Variants in CACNB2 observed in about 807,000 individuals in gnomAD.
CACNB2 encodes calcium voltage-gated channel auxiliary subunit beta 2, also known as voltage-dependent L-type calcium channel subunit beta-2.
Under a neutral mutation model 73.3 loss-of-function variants are expected in CACNB2, and 42 were observed. The observed-to-expected ratio is 0.57, with a 90% CI of 0.45 to 0.74. CACNB2 has a LOEUF of 0.74. CACNB2 is among the 30% of genes least tolerant of loss of function. The pLI, the probability that CACNB2 is intolerant of heterozygous loss-of-function variation, is 0.00. For missense variants in CACNB2, 940 were observed against 853.0 expected (o/e 1.10, Z -1.27); for synonymous variants, 348 against 310.3 (o/e 1.12, Z -1.28).
intron 2 of CACNB2, among the ~76,000 whole-genome samples, chr10:18,168,223 C>T (rs1437576876): frequency 6.6e-6 from 1 of 152,078 alleles, no homozygotes; most frequent in African/African-American, 2.4e-5. Context: ...GAGTTCAAGG[C>T]TGCAGTGAGC....
In CACNB2 at chr10:18,539,518, G is replaced by A. The variant is rs903062527; in HGVS notation, c.1777G>A (p.Glu593Lys). ...ASHRDHNHRD[E>K]THGSSDHRHR... Reference sequence around the variant, plus strand: ...ACACCGTGACCACAACCACAGAGACGAGACCCACGGGAGCAGTGACCACAG... The same window carrying A: ...ACACCGTGACCACAACCACAGAGACAAGACCCACGGGAGCAGTGACCACAG... Residue 593 changes from glutamate to lysine, a missense_variant, in exon 14 of 14, where the codon GAG (glutamate) becomes AAG (lysine). Coordinates refer to ENST00000324631, the MANE Select transcript of CACNB2 (RefSeq NM_201596.3). The A allele has an allele frequency of 9.9e-6, 16 of 1,613,770 alleles. No homozygotes were observed. The highest frequency in any genetic ancestry group is 1.7e-5 in the Admixed American group (1 of 59,952).
At chr10:18,155,893 C>CG (rs201741329) in intron 2 of CACNB2, among the ~76,000 whole-genome samples, 22,704 of 70,798 alleles carry the variant, frequency 0.32, 1,782 homozygotes, top group South Asian at 0.4. Flanking sequence ...AGAGAGAGAA[C>CG]ATATTATATA....
At chr10:18,171,788 A>G (rs968294771) in intron 2 of CACNB2, among the ~76,000 whole-genome samples, 1 of 152,032 alleles carries the variant, frequency 6.6e-6, no homozygotes, top group Non-Finnish European at 1.5e-5. Context: ...TGTTACCCGG[A>G]GAAGTCAAAT....
rs144182966 is a variant in CACNB2 at position 18,539,517 on chromosome 10, C to A, written c.1776C>A (p.Asp592Glu). ...CACACCGTGACCACAACCACAGAGA[C>A]GAGACCCACGGGAGCAGTGACCACA... is the stretch of plus-strand genomic sequence containing the variant. Reference protein sequence around the residue: ...YASHRDHNHRDETHGSSDHRH... With the variant: ...YASHRDHNHREETHGSSDHRH... The change falls in exon 14 of 14, where the codon GAC (aspartate) becomes GAA (glutamate). Residue 592 changes from aspartate to glutamate, a missense_variant. Physicochemically the swap from Asp to Glu is conservative, Grantham distance 45 (BLOSUM62 2). Transcript: ENST00000324631. The A allele has an allele frequency of 4.4e-4, 708 of 1,613,940 alleles. 3 individuals are homozygous for A. Among genetic ancestry groups the A allele is most frequent in the South Asian group, 6.5e-4 (59 of 91,036 alleles).
At chr10:18,276,357 G>A (rs1315412651) in intron 2 of CACNB2, among the ~76,000 whole-genome samples, 2 of 152,196 alleles carry the variant, frequency 1.3e-5, no homozygotes, top group Admixed American at 6.5e-5. Context: ...TGGCAGTTCT[G>A]TATATACAAA....
intron 2 of CACNB2, among the ~76,000 whole-genome samples, chr10:18,363,646 G>T (rs2148185): frequency 2.0e-5 from 3 of 151,924 alleles, no homozygotes; most frequent in Non-Finnish European, 4.4e-5. Context: ...TTTAAAATAT[G>T]TATATGACTA....
At chr10:18,341,605 A>T (rs1468936462) in intron 2 of CACNB2, among the ~76,000 whole-genome samples, 3 of 152,200 alleles carry the variant, frequency 2.0e-5, no homozygotes, top group Admixed American at 6.5e-5. Flanking sequence ...CACAAAAAAA[A>T]CCCTGAACCT....
At chr10:18,407,109 CTTTTTTTTTTTTTTT>C (rs71507267) in intron 3 of CACNB2, among the ~76,000 whole-genome samples, 391 of 35,648 alleles carry the variant, frequency 0.011, 18 homozygotes, top group Middle Eastern at 0.077. Flanking sequence ...GCTGTTCTGT[CTTTTTTTTTTTTTTT>C]TTTTTTTTTT....
At position 18,401,223 on chromosome 10, in the gene CACNB2, G is replaced by A. The variant is rs950048560; in HGVS notation, c.214-701G>A. On this transcript the variant is annotated intron_variant, in intron 2 of 13. Coordinates refer to ENST00000324631, the MANE Select transcript of CACNB2 (RefSeq NM_201596.3). ...TAATCGGATCATGATTGCAGGAGAG[G>A]GAAGCTAGGGAGATTCCTCTCATTT... 4 of 1,157,574 alleles carry A rather than the reference G, an allele frequency of 3.5e-6. No individual in the cohort carries two copies. The African/African-American group carries it at 4.6e-5, about 13-fold the overall frequency. The allele number at this position is 1,157,574 out of a possible 1,614,324, so 71.7% of individuals were successfully genotyped here.
intron 2 of CACNB2, among the ~76,000 whole-genome samples, chr10:18,315,492 CTCTA>C: frequency 1.4e-5 from 1 of 69,512 alleles, no homozygotes; most frequent in Non-Finnish European, 2.6e-5. Context: ...GAGACCTTGT[CTCTA>C]TTTAAAAAAA....
intron 3 of CACNB2, among the ~76,000 whole-genome samples, chr10:18,450,083 G>A (rs547357654): frequency 2.6e-5 from 4 of 152,290 alleles, no homozygotes; most frequent in African/African-American, 9.6e-5. Context: ...TATCCCTTGG[G>A]TCTGTATCAT....
At chr10:18,441,189 A>G (rs6482444) in intron 3 of CACNB2, among the ~76,000 whole-genome samples, 10,202 of 152,120 alleles carry the variant, frequency 0.067, 882 homozygotes, top group African/African-American at 0.19. Context: ...TAGATCACCC[A>G]GGTCAGGAGG....
At chr10:18,369,521 A>T (rs192870117) in intron 2 of CACNB2, among the ~76,000 whole-genome samples, 15 of 152,350 alleles carry the variant, frequency 9.8e-5, no homozygotes, top group African/African-American at 3.6e-4. Context: ...AAACATAAAA[A>T]TAGGCTGCCT....
At chr10:18,246,237 G>A (rs1396188488) in intron 2 of CACNB2, among the ~76,000 whole-genome samples, 1 of 152,048 alleles carries the variant, frequency 6.6e-6, no homozygotes. Context: ...TGCTAAATTG[G>A]TACAAAAATA....
chr10:18,279,671 C>A (rs540531553), intron 2 of CACNB2, among the ~76,000 whole-genome samples: 1 of 152,190 alleles, frequency 6.6e-6, no homozygotes, highest in Non-Finnish European at 1.5e-5. Context: ...AGTATCATGA[C>A]CTATTGACAA....
chr10:18,472,270 T>C (rs2048232306), intron 3 of CACNB2, among the ~76,000 whole-genome samples: 1 of 138,890 alleles, frequency 7.2e-6, no homozygotes, highest in African/African-American at 2.7e-5. Flanking sequence ...GGAGTCTCGC[T>C]CTGTCACCCA....
intron 3 of CACNB2, among the ~76,000 whole-genome samples, chr10:18,409,923 CCTT>C (rs2132616733): frequency 6.6e-6 from 1 of 152,244 alleles, no homozygotes; most frequent in African/African-American, 2.4e-5. Context: ...TCTCAGCTAT[CCTT>C]CTGATTGTCT....
intron 2 of CACNB2, among the ~76,000 whole-genome samples, chr10:18,207,484 G>C (rs535712557): frequency 6.6e-6 from 1 of 152,198 alleles, no homozygotes; most frequent in Non-Finnish European, 1.5e-5. Flanking sequence ...AGAGGTCTTG[G>C]AAGGCATCCC....
At chr10:18,444,939 T>C (rs1227315128) in intron 3 of CACNB2, among the ~76,000 whole-genome samples, 12 of 152,244 alleles carry the variant, frequency 7.9e-5, no homozygotes, top group Non-Finnish European at 1.6e-4. Context: ...TAAGTTTCTA[T>C]GGTTTTACCA....
Sources: allele counts gnomAD v4.1 joint callset (sites outside exome capture counted in the v4.1 genomes callset), GRCh38; gene constraint gnomAD v4.1.1; transcripts MANE v1.5; gene names NCBI Gene and HGNC (gene_info 2026-07-23, HGNC 2026-07-21).